Variants in MTCL3 observed in about 807,000 individuals in gnomAD.
The protein encoded by MTCL3 is microtubule cross-linking factor 3.
chr6:127,502,666 C>A, the MTCL3 span, among the ~76,000 whole-genome samples: 1 of 152,180 alleles, frequency 6.6e-6, no homozygotes, highest in Admixed American at 6.5e-5. Context: ...CTTCAAAATT[C>A]TTCCCAGGAA....
At chr6:127,509,021 CTCTG>C in the MTCL3 span, among the ~76,000 whole-genome samples, 2 of 152,254 alleles carry the variant, frequency 1.3e-5, no homozygotes, top group South Asian at 2.1e-4. Flanking sequence ...AATTAAAAAC[CTCTG>C]TCTCTTTGAT....
chr6:127,516,419 T>C, the MTCL3 span: 1 of 1,600,236 alleles, frequency 6.2e-7, no homozygotes, highest in Admixed American at 1.7e-5. Context: ...GAATTGAGTT[T>C]AGTGCCGGCC....
At chr6:127,506,738 G>A in the MTCL3 span, among the ~76,000 whole-genome samples, 2 of 151,890 alleles carry the variant, frequency 1.3e-5, no homozygotes, top group South Asian at 2.1e-4. Flanking sequence ...CCACGACCAC[G>A]CCCGGCTAAT....
At chr6:127,513,816 A>C in the MTCL3 span, among the ~76,000 whole-genome samples, 395 of 152,274 alleles carry the variant, frequency 2.6e-3, 2 homozygotes, top group African/African-American at 8.8e-3. Flanking sequence ...CTGCACCTAT[A>C]AAATGGTGCC....
chr6:127,506,584 CTTTA>C, the MTCL3 span, among the ~76,000 whole-genome samples: 3 of 152,010 alleles, frequency 2.0e-5, no homozygotes, highest in African/African-American at 7.2e-5. Flanking sequence ...CCTCCCCCGT[CTTTA>C]TTTATTTTGT....
the MTCL3 span, among the ~76,000 whole-genome samples, chr6:127,497,463 CA>C: frequency 1.3e-5 from 2 of 152,170 alleles, no homozygotes; most frequent in African/African-American, 4.8e-5. Context: ...TATTCTTTTT[CA>C]TATATTAAAG....
chr6:127,511,942 A>G, the MTCL3 span, among the ~76,000 whole-genome samples: 10,100 of 152,192 alleles, frequency 0.066, 574 homozygotes, highest in African/African-American at 0.14. Context: ...GAAAGATTAG[A>G]ATTTTCTTTA....
chr6:127,508,749 A>G, the MTCL3 span, among the ~76,000 whole-genome samples: 1 of 152,292 alleles, frequency 6.6e-6, no homozygotes, highest in East Asian at 1.9e-4. Flanking sequence ...TCTTATCAAC[A>G]CTTCAACAAG....
At chr6:127,478,277 G>A in the MTCL3 span, among the ~76,000 whole-genome samples, 1 of 152,138 alleles carries the variant, frequency 6.6e-6, no homozygotes, top group Non-Finnish European at 1.5e-5. Flanking sequence ...ATAAAGAGGA[G>A]CATTCCATTT....
chr6:127,482,500 C>T, the MTCL3 span, among the ~76,000 whole-genome samples: 1 of 152,174 alleles, frequency 6.6e-6, no homozygotes, highest in African/African-American at 2.4e-5. The surrounding 1 kb of genome is among the most constrained non-coding windows in gnomAD (Gnocchi z 4.1). Flanking sequence ...CATTCCAGGG[C>T]TCTCTAAAGA....
chr6:127,512,740 T>A, the MTCL3 span: 1 of 650,194 alleles, frequency 1.5e-6, no homozygotes, highest in Non-Finnish European at 2.5e-6. Flanking sequence ...CATTTATTAG[T>A]ATGAAATCAT....
the MTCL3 span, chr6:127,517,714 T>C: frequency 1.3e-5 from 2 of 152,214 alleles, no homozygotes; most frequent in African/African-American, 4.8e-5. Flanking sequence ...GGTGGTAAGA[T>C]CAATTTCCAG....
At chr6:127,497,316 A>G in the MTCL3 span, among the ~76,000 whole-genome samples, 1 of 152,226 alleles carries the variant, frequency 6.6e-6, no homozygotes, top group Non-Finnish European at 1.5e-5. Flanking sequence ...AAATATTCAA[A>G]CAAGTAGGAA....
At chr6:127,513,380 G>GCA in the MTCL3 span, among the ~76,000 whole-genome samples, 1 of 152,134 alleles carries the variant, frequency 6.6e-6, no homozygotes, top group South Asian at 2.1e-4. Flanking sequence ...CTTAACTTCT[G>GCA]CACTACTCTG....
chr6:127,509,024 T>C, the MTCL3 span, among the ~76,000 whole-genome samples: 6 of 152,218 alleles, frequency 3.9e-5, no homozygotes, highest in Non-Finnish European at 8.8e-5. Context: ...TAAAAACCTC[T>C]GTCTCTTTGA....
chr6:127,479,015 TAAAAAAA>T, the MTCL3 span, among the ~76,000 whole-genome samples: 8 of 52,332 alleles, frequency 1.5e-4, no homozygotes, highest in Admixed American at 6.5e-4. Flanking sequence ...AGACTCCATC[TAAAAAAA>T]AAAAAAAAAA....
At chr6:127,510,977 C>T in the MTCL3 span, among the ~76,000 whole-genome samples, 1 of 152,160 alleles carries the variant, frequency 6.6e-6, no homozygotes, top group Admixed American at 6.5e-5. Flanking sequence ...AATCCCAGCT[C>T]TTAGGGAGGC....
At chr6:127,504,297 G>A in the MTCL3 span, among the ~76,000 whole-genome samples, 7 of 152,134 alleles carry the variant, frequency 4.6e-5, no homozygotes, top group African/African-American at 1.7e-4. Flanking sequence ...TGAAGCTATA[G>A]TCAAAATACA....
At chr6:127,516,658 G>A in the MTCL3 span, 1 of 1,563,804 alleles carries the variant, frequency 6.4e-7, no homozygotes, top group African/African-American at 1.3e-5. Context: ...CCCATTACTA[G>A]ATCATCCTCT....
Sources: gnomAD v4.1 joint callset for allele counts (sites outside exome capture counted in the v4.1 genomes callset) on GRCh38, gnomAD v4.1.1 for gene constraint, Gnocchi (gnomAD v3.1) non-coding constraint, MANE v1.5 for transcripts, NCBI Gene and HGNC (gene_info 2026-07-23, HGNC 2026-07-21) for gene names.